CYTH4: variants seen among roughly 807,000 people sequenced by gnomAD.
CYTH4 encodes the protein cytohesin-4.
Under a neutral mutation model 57.5 loss-of-function variants are expected in CYTH4, and 22 were observed. The observed-to-expected ratio is 0.38, with a 90% CI of 0.27 to 0.55. The LOEUF is 0.55. Among genes scored for constraint, CYTH4 ranks in the 20% least tolerant of loss-of-function variants. CYTH4 has a pLI of 0.74. For missense variants in CYTH4, 420 were observed against 535.6 expected (o/e 0.78, Z 2.13); for synonymous variants, 186 against 206.5 (o/e 0.90, Z 0.85).
At chr22:37,303,156 C>G (rs1361075130) in intron 7 of CYTH4, 98 bp from the exon 8 acceptor site, 2 of 1,538,968 alleles carry the variant, frequency 1.3e-6, no homozygotes, top group South Asian at 1.2e-5. Flanking sequence ...GGTGGACCTT[C>G]GGGGCCTTGC....
intron 3 of CYTH4, 65 bp downstream of exon 3, chr22:37,294,789 T>C (rs944454382): frequency 1.3e-6 from 2 of 1,584,940 alleles, no homozygotes; most frequent in African/African-American, 2.7e-5. Flanking sequence ...GTCATACACC[T>C]TGAATGAGCA....
intron 2 of CYTH4, among the ~76,000 whole-genome samples, chr22:37,294,241 G>A (rs1467633118): frequency 2.8e-5 from 4 of 140,508 alleles, no homozygotes; most frequent in African/African-American, 1.1e-4. Flanking sequence ...GAGGTGGGCA[G>A]GGTGGAGGCG....
In CYTH4 at chr22:37,295,903, G is replaced by C. The variant is rs1280719697; in HGVS notation, c.168-96G>C. On this transcript the variant is annotated intron_variant, in intron 3 of 12. Coordinates refer to ENST00000248901, the MANE Select transcript of CYTH4 (RefSeq NM_013385.5). This position sits in a 1 kb window ranked among gnomAD's most constrained non-coding sequence, Gnocchi z 4.1. ...GAGGCCACACTTGGAGGGCCCTAGA[G>C]GGGTATGGGCTCCTGCTGAGGCAAG... 4 of 1,312,430 alleles carry C rather than the reference G, an allele frequency of 3.0e-6. No homozygotes were observed. The East Asian group carries it at 1.0e-4, about 33-fold the overall frequency. 81.3% of individuals were successfully genotyped at this position (1,312,430 alleles called of 1,614,324 possible). A position where few individuals can be genotyped will look rare whatever the true frequency, so the allele number is the denominator to read the frequency against.
At chr22:37,310,067 T>C in intron 9 of CYTH4, 1 of 460,398 alleles carries the variant, frequency 2.2e-6, no homozygotes, top group Non-Finnish European at 4.5e-6. Flanking sequence ...AGCAGGGGTC[T>C]CAACCTGGCT....
At chr22:37,313,161 G>A (rs891312031) in intron 12 of CYTH4, among the ~76,000 whole-genome samples, 4 of 152,374 alleles carry the variant, frequency 2.6e-5, no homozygotes, top group Non-Finnish European at 2.9e-5. Context: ...TGGGAGCCTG[G>A]AGAGGGGCCC....
At position 37,298,662 on chromosome 22, in the gene CYTH4, C is replaced by T. The variant is rs901907307; in HGVS notation, c.354-564C>T. Among the ~76,000 whole-genome samples the T allele has an allele frequency of 3.3e-5, 5 of 151,806 alleles. No individual in the cohort carries two copies. The East Asian group carries it at 5.8e-4, about 18-fold the overall frequency. On this transcript the variant is annotated intron_variant, in intron 5 of 12. Transcript: ENST00000248901. The surrounding 1 kb of genome is among the most constrained non-coding windows in gnomAD (Gnocchi z 4.1). ...GCGAGGAGGTGGGGATCTGTGGGAG[C>T]GCTCTGGGCAAAGGACTGGTCTGAG... is the stretch of plus-strand genomic sequence containing the variant.
chr22:37,293,764 G>T (rs956781479), intron 2 of CYTH4, among the ~76,000 whole-genome samples: 1 of 152,176 alleles, frequency 6.6e-6, no homozygotes, highest in Non-Finnish European at 1.5e-5. Context: ...GTGGTTGGCA[G>T]GGGGAGGTGT....
At position 37,286,108 on chromosome 22, in the gene CYTH4, GGT is replaced by G. The variant is rs1491191303; in HGVS notation, c.19+3522_19+3523del. ...TGCAAAGTTGGCTTTGCAGGGGTTG[GGT>G]GGGGGCAACTGCAGGCATCATTCTG... On this transcript the variant is annotated intron_variant, in intron 1 of 12. Coordinates refer to ENST00000248901, the MANE Select transcript of CYTH4 (RefSeq NM_013385.5). 4.3e-4 allele frequency among the ~76,000 whole-genome samples: 43 copies of G among 100,930 alleles called. No individual in the cohort carries two copies. The South Asian group carries it at 0.011, about 26-fold the overall frequency. The allele number at this position is 100,930 out of a possible 152,430, so 66.2% of individuals were successfully genotyped here.
chr22:37,303,075 G>C (rs1222332622), intron 7 of CYTH4, among the ~76,000 whole-genome samples, 179 bp from the exon 8 acceptor site: 3 of 152,188 alleles, frequency 2.0e-5, no homozygotes, highest in Non-Finnish European at 4.4e-5. Flanking sequence ...GTTAGTTTAA[G>C]AGGGGGTGGG....
At chr22:37,306,469 G>A (rs1929401312) in intron 8 of CYTH4, among the ~76,000 whole-genome samples, 1 of 152,216 alleles carries the variant, frequency 6.6e-6, no homozygotes, top group African/African-American at 2.4e-5. Context: ...GCTGGCCAGA[G>A]GTCTCATAGT....
intron 1 of CYTH4, among the ~76,000 whole-genome samples, chr22:37,284,869 T>C (rs1001673397): frequency 2.0e-5 from 3 of 151,880 alleles, no homozygotes; most frequent in African/African-American, 7.3e-5. Flanking sequence ...AGCCCCAGTG[T>C]GGCCAAAGAC....
At chr22:37,306,820 G>A (rs1381528844) in intron 8 of CYTH4, among the ~76,000 whole-genome samples, 1 of 152,226 alleles carries the variant, frequency 6.6e-6, no homozygotes, top group Admixed American at 6.5e-5. Context: ...TGCCCTCACA[G>A]TCCTCCTCCT....
intron 8 of CYTH4, among the ~76,000 whole-genome samples, chr22:37,304,879 T>C (rs947867454): frequency 6.6e-6 from 1 of 152,156 alleles, no homozygotes; most frequent in African/African-American, 2.4e-5. Flanking sequence ...GGAGTAACTG[T>C]TTTAAATGTT....
chr22:37,311,751 C>A lies in CYTH4; in HGVS notation c.957+224C>A. The A allele has an allele frequency of 1.5e-6, 1 of 651,078 alleles. No homozygotes were observed. The highest frequency in any genetic ancestry group is 2.6e-6 in the Non-Finnish European group (1 of 381,826). 40.3% of individuals were successfully genotyped at this position (651,078 alleles called of 1,614,324 possible). ...GGTTGTCCCCTGTTGTCCCACACAGCCCGACTGGCTGGATGGCCCCGAGTA... is the reference window on the plus strand; with the variant it reads ...GGTTGTCCCCTGTTGTCCCACACAGACCGACTGGCTGGATGGCCCCGAGTA... On this transcript the variant is annotated intron_variant, in intron 11 of 12. Coordinates refer to ENST00000248901, the MANE Select transcript of CYTH4 (RefSeq NM_013385.5). The surrounding 1 kb of genome is among the most constrained non-coding windows in gnomAD (Gnocchi z 4.4).
At position 37,295,577 on chromosome 22, in the gene CYTH4, A is replaced by G. The variant is rs2269589; in HGVS notation, c.168-422A>G. On this transcript the variant is annotated intron_variant, in intron 3 of 12. Transcript: ENST00000248901. This position sits in a 1 kb window ranked among gnomAD's most constrained non-coding sequence, Gnocchi z 4.1. ...ACAATGCTGGGAGGCAGGTGGTGGT[A>G]TCACCTCCATTTTATAGATGAGGAA... Among the ~76,000 whole-genome samples, 104,897 of 152,120 alleles carry G rather than the reference A, an allele frequency of 0.69. 36,483 individuals are homozygous for G. Among genetic ancestry groups the G allele is most frequent in the South Asian group, 0.8 (3,844 of 4,830 alleles).
At chr22:37,309,900 G>A in intron 9 of CYTH4, 1 of 400,580 alleles carries the variant, frequency 2.5e-6, no homozygotes, top group East Asian at 8.0e-5. Context: ...TGGGGTGGGA[G>A]CTGCAGTAAT....
In CYTH4 at chr22:37,303,340, C is replaced by T. The variant is rs746552896; in HGVS notation, c.634C>T (p.Arg212Cys). The T allele has an allele frequency of 1.9e-6, 3 of 1,614,180 alleles. No individual in the cohort carries two copies. The highest frequency in any genetic ancestry group is 3.3e-5 in the Admixed American group (2 of 59,996). The stretch of plus-strand genomic sequence containing the variant: ...CGTCCGGGACAGGCCGCCTTTTGAG[C>T]GCTTTGTGTCCATGAACCGCGGCAT... ...PNVRDRPPFE[R>C]FVSMNRGINN... Residue 212 changes from arginine to cysteine, a missense_variant, in exon 8 of 13, where the codon CGC becomes TGC. By Grantham distance (180) the Arg-to-Cys change is radical. Coordinates refer to ENST00000248901, the MANE Select transcript of CYTH4 (RefSeq NM_013385.5).
intron 8 of CYTH4, among the ~76,000 whole-genome samples, chr22:37,308,660 A>G (rs921303672): frequency 5.3e-5 from 8 of 150,500 alleles, no homozygotes; most frequent in African/African-American, 1.5e-4. Context: ...GTGTGCATAT[A>G]TGTGTGAGCG....
At position 37,311,143 on chromosome 22, in the gene CYTH4, C is replaced by A. The variant is rs986813695; in HGVS notation, c.885+79C>A. ...CACTTCCCAACTCCCACTGAGCAGT[C>A]GACTCACACAGCTTTGGATCCTTTG... On this transcript the variant is annotated intron_variant, in intron 10 of 12. Coordinates refer to ENST00000248901, the MANE Select transcript of CYTH4 (RefSeq NM_013385.5). The surrounding 1 kb of genome is among the most constrained non-coding windows in gnomAD (Gnocchi z 4.4). The A allele has an allele frequency of 2.1e-6, 3 of 1,462,700 alleles. No individual in the cohort carries two copies. Among genetic ancestry groups the A allele is most frequent in the Admixed American group, 1.7e-5 (1 of 59,228 alleles). 90.6% of individuals were successfully genotyped at this position (1,462,700 alleles called of 1,614,324 possible). A position where few individuals can be genotyped will look rare whatever the true frequency, so the allele number is the denominator to read the frequency against.
Sources: gnomAD v4.1 joint callset for allele counts (sites outside exome capture counted in the v4.1 genomes callset) on GRCh38, gnomAD v4.1.1 for gene constraint, Gnocchi (gnomAD v3.1) non-coding constraint, MANE v1.5 for transcripts, NCBI Gene and HGNC (gene_info 2026-07-23, HGNC 2026-07-21) for gene names.